RFC1: variants seen among roughly 807,000 people sequenced by gnomAD.
The protein encoded by RFC1 is replication factor C subunit 1.
Under a neutral mutation model 137.4 loss-of-function variants are expected in RFC1, and 37 were observed. The ratio of observed to expected loss-of-function variants is 0.27; its 90% confidence interval spans 0.21 to 0.35. The LOEUF (loss-of-function observed/expected upper bound fraction) is 0.35. Among genes scored for constraint, RFC1 ranks in the 10% least tolerant of loss-of-function variants. The pLI is 1.00. For synonymous variants in RFC1, 429 were observed against 455.7 expected (o/e 0.94, Z 0.75); for missense variants, 1,205 against 1,358.5 (o/e 0.89, Z 1.78).
intron 23 of RFC1, among the ~76,000 whole-genome samples, chr4:39,290,567 C>T (rs912925619): frequency 2.6e-5 from 4 of 152,096 alleles, no homozygotes; most frequent in African/African-American, 9.7e-5. Context: ...GTAATCCCAG[C>T]ACTTTGGGAG....
intron 1 of RFC1, among the ~76,000 whole-genome samples, chr4:39,363,493 G>A (rs894485701): frequency 2.0e-5 from 3 of 152,174 alleles, no homozygotes; most frequent in African/African-American, 7.2e-5. Flanking sequence ...TCCATTGTGT[G>A]AATACACGTA....
chr4:39,317,401 T>G (rs982733694), intron 9 of RFC1, among the ~76,000 whole-genome samples: 5 of 152,204 alleles, frequency 3.3e-5, no homozygotes, highest in Admixed American at 1.3e-4. Context: ...TTTCCCCAAG[T>G]AAACCTGATC....
At position 39,366,230 on chromosome 4, in the gene RFC1, G is replaced by C. The variant is rs769625420; in HGVS notation, c.3+9C>G. Reference sequence around the variant, plus strand: ...ACCCCGAGCCGCACGGCCTCCCCCAGCGGCTCACCATCGCAGCCCCAGGAT... The same window carrying C: ...ACCCCGAGCCGCACGGCCTCCCCCACCGGCTCACCATCGCAGCCCCAGGAT... On this transcript the variant is annotated intron_variant, in intron 1 of 24. Transcript: ENST00000349703. 2 of 1,552,926 alleles carry C rather than the reference G, an allele frequency of 1.3e-6. No individual in the cohort carries two copies. Among genetic ancestry groups the C allele is most frequent in the South Asian group, 1.2e-5 (1 of 84,238 alleles).
chr4:39,290,886 T>A (rs959763921), intron 23 of RFC1, among the ~76,000 whole-genome samples: 1 of 151,696 alleles, frequency 6.6e-6, no homozygotes, highest in African/African-American at 2.4e-5. Context: ...AAACACTAGA[T>A]ACCTTTTCCA....
Position 39,288,858 on chromosome 4 carries a change from G to A in RFC1, c.3361-14C>T, listed in dbSNP as rs1737511583. ...TTTTGTCTTTTTCTGTTAGGGGGAA[G>A]ATAACAAAATAGTTAATAGCTGTGT... On this transcript the variant is annotated splice_polypyrimidine_tract_variant and intron_variant, in intron 24 of 24. Transcript: ENST00000349703. 1 of 1,533,118 alleles carries A rather than the reference G, an allele frequency of 6.5e-7. No homozygotes were observed. Among genetic ancestry groups the A allele is most frequent in the Middle Eastern group, 1.7e-4 (1 of 5,830 alleles). 95.0% of individuals were successfully genotyped at this position (1,533,118 alleles called of 1,614,324 possible). A position where few individuals can be genotyped will look rare whatever the true frequency, so the allele number is the denominator to read the frequency against.
intron 10 of RFC1, among the ~76,000 whole-genome samples, chr4:39,316,035 AG>A (rs1324596277): frequency 6.6e-6 from 1 of 152,120 alleles, no homozygotes; most frequent in African/African-American, 2.4e-5. Context: ...GTTCGAGGCC[AG>A]CCTGACCAAC....
intron 15 of RFC1, among the ~76,000 whole-genome samples, chr4:39,303,733 C>T (rs1738492623): frequency 2.6e-5 from 4 of 152,192 alleles, no homozygotes; most frequent in Admixed American, 2.6e-4. Context: ...GGATTACAGG[C>T]GTGAGCCAAC....
intron 1 of RFC1, among the ~76,000 whole-genome samples, chr4:39,361,748 A>C (rs1741768002): frequency 6.6e-6 from 1 of 152,146 alleles, no homozygotes; most frequent in Non-Finnish European, 1.5e-5. Flanking sequence ...TCCAAAAATG[A>C]AATTAGGAAA....
chr4:39,320,274 G>T, intron 9 of RFC1, 109 bp downstream of exon 9: 1 of 975,030 alleles, frequency 1.0e-6, no homozygotes, highest in Non-Finnish European at 1.4e-6. Context: ...GCTTGAACCT[G>T]GGAGGCAGAG....
intron 1 of RFC1, among the ~76,000 whole-genome samples, chr4:39,362,085 A>G (rs1432248303): frequency 6.6e-6 from 1 of 152,210 alleles, no homozygotes; most frequent in Non-Finnish European, 1.5e-5. Context: ...AAAGAATAAA[A>G]TACTTACGAA....
At chr4:39,361,250 G>A (rs1326196054) in intron 1 of RFC1, among the ~76,000 whole-genome samples, 4 of 152,028 alleles carry the variant, frequency 2.6e-5, no homozygotes, top group South Asian at 2.1e-4. Flanking sequence ...TTAGTCAGGT[G>A]TGGTGGCACA....
chr4:39,345,678 G>A (rs1045089338), intron 2 of RFC1, among the ~76,000 whole-genome samples: 1 of 152,026 alleles, frequency 6.6e-6, no homozygotes, highest in Non-Finnish European at 1.5e-5. Flanking sequence ...CCGCCACAAT[G>A]CCTGGCTAAT....
At chr4:39,304,757 T>C in intron 15 of RFC1, 57 bp downstream of exon 15, 3 of 1,005,176 alleles carry the variant, frequency 3.0e-6, no homozygotes, top group East Asian at 4.8e-5. Context: ...TTACTGAACA[T>C]TGAAATGAAC....
chr4:39,362,848 G>A (rs1409153090), intron 1 of RFC1, among the ~76,000 whole-genome samples: 1 of 152,250 alleles, frequency 6.6e-6, no homozygotes, highest in African/African-American at 2.4e-5. Flanking sequence ...AAAAGACAGA[G>A]AGAGAAAATC....
At chr4:39,366,198 C>T in intron 1 of RFC1, 41 bp downstream of exon 1, 1 of 1,550,088 alleles carries the variant, frequency 6.5e-7, no homozygotes, top group Non-Finnish European at 8.7e-7. Flanking sequence ...CTGCAAAGCC[C>T]CCCCAGACCC....
chr4:39,302,922 A>G (rs1738440343), intron 16 of RFC1, 48 bp from the exon 17 acceptor site: 1 of 1,539,880 alleles, frequency 6.5e-7, no homozygotes. Context: ...AAAAATGACA[A>G]ATACCACACA....
At chr4:39,318,995 C>G (rs1739385249) in intron 9 of RFC1, among the ~76,000 whole-genome samples, 1 of 152,112 alleles carries the variant, frequency 6.6e-6, no homozygotes, top group Non-Finnish European at 1.5e-5. Context: ...TATTTCCTAG[C>G]AAAATTTTTC....
At chr4:39,330,794 T>A (rs897031627) in intron 4 of RFC1, among the ~76,000 whole-genome samples, 1 of 152,136 alleles carries the variant, frequency 6.6e-6, no homozygotes, top group Non-Finnish European at 1.5e-5. Context: ...AATTAAAAAT[T>A]TATCCATAAC....
chr4:39,346,012 A>G (rs1392746368), intron 2 of RFC1, among the ~76,000 whole-genome samples: 1 of 152,236 alleles, frequency 6.6e-6, no homozygotes, highest in African/African-American at 2.4e-5. Flanking sequence ...AAATAATTAC[A>G]GAAAACGCTA....
Sources: allele counts gnomAD v4.1 joint callset (sites outside exome capture counted in the v4.1 genomes callset), GRCh38; gene constraint gnomAD v4.1.1; transcripts MANE v1.5; gene names NCBI Gene and HGNC (gene_info 2026-07-23, HGNC 2026-07-21).